Variants in SND1 observed in about 807,000 individuals in gnomAD.
The protein encoded by SND1 is staphylococcal nuclease domain-containing protein 1.
In SND1, 38 loss-of-function variants were observed where a neutral mutation model predicts 121.7. The observed-to-expected ratio is 0.31, with a 90% confidence interval of 0.24 to 0.41. The LOEUF is 0.41. SND1 is among the 10% of genes least tolerant of loss of function. SND1 has a pLI of 1.00. For synonymous variants in SND1, 401 were observed against 447.4 expected, an observed-to-expected ratio of 0.90 and a Z score of 1.31; for missense variants, 868 against 1,184.6, an observed-to-expected ratio of 0.73 and a Z score of 3.92.
intron 16 of SND1, among the ~76,000 whole-genome samples, chr7:128,067,609 G>A (rs1408676805): frequency 6.6e-6 from 1 of 152,110 alleles, no homozygotes; most frequent in East Asian, 1.9e-4. Context: ...CACCTTCCTT[G>A]GTACGGGAGC....
At chr7:128,044,426 G>A (rs7810883) in intron 16 of SND1, among the ~76,000 whole-genome samples, 13,253 of 152,216 alleles carry the variant, frequency 0.087, 1,032 homozygotes, top group African/African-American at 0.2. Context: ...AAGATGAGCA[G>A]AAAATCTGAA....
intron 15 of SND1, among the ~76,000 whole-genome samples, chr7:127,964,694 C>T (rs1393403763): frequency 6.6e-6 from 1 of 150,486 alleles, no homozygotes; most frequent in Non-Finnish European, 1.5e-5. Context: ...AGCGTGATGC[C>T]TCCAGCTTTG....
intron 16 of SND1, among the ~76,000 whole-genome samples, chr7:128,055,301 T>G (rs924677613): frequency 6.6e-6 from 1 of 152,170 alleles, no homozygotes; most frequent in African/African-American, 2.4e-5. Flanking sequence ...TCTTGTCATC[T>G]CAGTGTGGCT....
intron 10 of SND1, among the ~76,000 whole-genome samples, chr7:127,742,237 A>G (rs1796894314): frequency 6.6e-6 from 1 of 152,140 alleles, no homozygotes; most frequent in South Asian, 2.1e-4. Flanking sequence ...TTGTGCCACC[A>G]AGATGTGTCT....
chr7:127,861,718 G>A (rs758425041), intron 12 of SND1, among the ~76,000 whole-genome samples: 4 of 152,146 alleles, frequency 2.6e-5, no homozygotes, highest in Admixed American at 6.5e-5. Flanking sequence ...TGATCCACCC[G>A]CCTCGGCCTC....
At chr7:127,727,037 C>T (rs1384384293) in intron 10 of SND1, among the ~76,000 whole-genome samples, 2 of 152,216 alleles carry the variant, frequency 1.3e-5, no homozygotes, top group Non-Finnish European at 2.9e-5. Context: ...TGCTACCAGC[C>T]TCTATTCATT....
intron 16 of SND1, among the ~76,000 whole-genome samples, chr7:128,050,778 A>G (rs979280660): frequency 4.6e-5 from 7 of 152,166 alleles, no homozygotes; most frequent in Non-Finnish European, 1.0e-4. Context: ...TTTTCCAGAA[A>G]CATTCCATAC....
At chr7:127,761,434 C>T (rs564432148) in intron 10 of SND1, among the ~76,000 whole-genome samples, 41 of 151,256 alleles carry the variant, frequency 2.7e-4, no homozygotes, top group Non-Finnish European at 5.5e-4. Context: ...TATTTTACCC[C>T]CTCAGTTAGC....
chr7:127,926,412 T>A (rs958373460), intron 14 of SND1, among the ~76,000 whole-genome samples: 2 of 152,126 alleles, frequency 1.3e-5, no homozygotes, highest in African/African-American at 4.8e-5. Flanking sequence ...GCATATCACC[T>A]CATCCAAGCC....
chr7:127,839,434 T>C (rs1309604296), intron 11 of SND1, among the ~76,000 whole-genome samples: 1 of 152,180 alleles, frequency 6.6e-6, no homozygotes, highest in African/African-American at 2.4e-5. Context: ...TGCAGTTGTT[T>C]TCCTTCCTAC....
At chr7:127,788,951 C>T (rs1171523222) in intron 10 of SND1, among the ~76,000 whole-genome samples, 1 of 152,092 alleles carries the variant, frequency 6.6e-6, no homozygotes, top group Non-Finnish European at 1.5e-5. Context: ...CTTATAGTAC[C>T]TTGTATATAT....
intron 4 of SND1, 126 bp downstream of exon 4, chr7:127,699,079 G>A (rs1488534491): frequency 1.4e-6 from 1 of 717,204 alleles, no homozygotes; most frequent in Non-Finnish European, 2.4e-6. Flanking sequence ...TCTTGCCCAG[G>A]TATGGATTAT....
intron 16 of SND1, chr7:128,000,078 A>AG: frequency 4.1e-5 from 1 of 24,172 alleles, no homozygotes; most frequent in Non-Finnish European, 8.1e-5. Flanking sequence ...AGTGTTCTCT[A>AG]AAAAAAAAAA....
chr7:127,758,065 G>A (rs1189751654), intron 10 of SND1, among the ~76,000 whole-genome samples: 3 of 152,158 alleles, frequency 2.0e-5, no homozygotes, highest in Non-Finnish European at 4.4e-5. Flanking sequence ...TTCCTTGTAA[G>A]GCACCCACAC....
chr7:127,813,547 T>G (rs1399835348), intron 11 of SND1, among the ~76,000 whole-genome samples: 2 of 151,414 alleles, frequency 1.3e-5, no homozygotes, highest in Admixed American at 1.3e-4. Context: ...AGTGTGTTAT[T>G]TGTTGTTGTT....
At chr7:127,844,002 C>A (rs1799011387) in intron 11 of SND1, among the ~76,000 whole-genome samples, 1 of 152,098 alleles carries the variant, frequency 6.6e-6, no homozygotes, top group Non-Finnish European at 1.5e-5. Flanking sequence ...AACATCTTTT[C>A]CTGTTCTTAT....
At chr7:127,795,418 T>C (rs571873207) in intron 10 of SND1, among the ~76,000 whole-genome samples, 3 of 152,230 alleles carry the variant, frequency 2.0e-5, no homozygotes, top group Non-Finnish European at 2.9e-5. Context: ...GGAAGCTAGT[T>C]CTTTTGAAAA....
chr7:128,059,232 C>G (rs1039519356), intron 16 of SND1, among the ~76,000 whole-genome samples: 1 of 152,204 alleles, frequency 6.6e-6, no homozygotes, highest in African/African-American at 2.4e-5. Context: ...GTGCTCAGAG[C>G]TGGCTCTCTC....
chr7:127,831,947 C>T (rs569697813), intron 11 of SND1, among the ~76,000 whole-genome samples: 3 of 152,078 alleles, frequency 2.0e-5, no homozygotes, highest in Non-Finnish European at 2.9e-5. Flanking sequence ...AAGTATGTTC[C>T]TCTGGATTCT....
Sources: allele counts gnomAD v4.1 joint callset (sites outside exome capture counted in the v4.1 genomes callset), GRCh38; gene constraint gnomAD v4.1.1; transcripts MANE v1.5; gene names NCBI Gene and HGNC (gene_info 2026-07-23, HGNC 2026-07-21).